SPATA1: variants seen among roughly 807,000 people sequenced by gnomAD.
The protein encoded by SPATA1 is spermatogenesis-associated protein 1.
SPATA1 carries 57 observed loss-of-function variants against 59.6 expected under a neutral mutation model. The ratio of observed to expected loss-of-function variants is 0.96; its 90% CI spans 0.77 to 1.19. The LOEUF is 1.19. SPATA1 is among the 50% of genes most tolerant of loss of function. The pLI is 0.00. For missense variants in SPATA1, 448 were observed against 480.7 expected (o/e 0.93, Z 0.64); for synonymous variants, 147 against 163.9 (o/e 0.90, Z 0.79).
chr1:84,563,360 G>A (rs759361175), intron 4 of SPATA1: 4 of 1,595,018 alleles, frequency 2.5e-6, no homozygotes, highest in East Asian at 4.6e-5. Flanking sequence ...CTGACGTCCT[G>A]CAGCGTCACT....
At chr1:84,521,511 T>C (rs1683026110) in intron 3 of SPATA1, among the ~76,000 whole-genome samples, 1 of 152,156 alleles carries the variant, frequency 6.6e-6, no homozygotes, top group Non-Finnish European at 1.5e-5. Flanking sequence ...AGAATGAGTT[T>C]TCTGCCCTAA....
At chr1:84,507,949 G>C (rs939592106) in intron 1 of SPATA1, among the ~76,000 whole-genome samples, 2 of 151,978 alleles carry the variant, frequency 1.3e-5, no homozygotes, top group African/African-American at 2.4e-5. Flanking sequence ...TTTTTTTGTA[G>C]CGTGTGTTTA....
intron 9 of SPATA1, among the ~76,000 whole-genome samples, chr1:84,545,077 C>T (rs1297715133): frequency 6.6e-6 from 1 of 150,462 alleles, no homozygotes; most frequent in Non-Finnish European, 1.5e-5. Context: ...AAAAATTAGG[C>T]GTGGTGGCAG....
At chr1:84,566,527 T>C (rs901576260), downstream of SPATA1, among the ~76,000 whole-genome samples, 4 of 152,286 alleles carry the variant, frequency 2.6e-5, no homozygotes, top group Middle Eastern at 3.4e-3. Flanking sequence ...GTTAAGACAA[T>C]AGTGGTGTCT....
chr1:84,527,851 T>A (rs888812069), intron 6 of SPATA1, among the ~76,000 whole-genome samples: 1 of 152,072 alleles, frequency 6.6e-6, no homozygotes, highest in Non-Finnish European at 1.5e-5. Context: ...TGCCTCAGCC[T>A]CCCTAAGTAC....
chr1:84,543,123 G>T (rs1456179955), intron 8 of SPATA1, among the ~76,000 whole-genome samples: 2 of 152,046 alleles, frequency 1.3e-5, no homozygotes, highest in Admixed American at 1.3e-4. Flanking sequence ...CTGTACCGTG[G>T]GTAACTGAAA....
intron 1 of SPATA1, among the ~76,000 whole-genome samples, chr1:84,515,982 T>C (rs1558571878): frequency 1.3e-5 from 2 of 152,192 alleles, no homozygotes; most frequent in Non-Finnish European, 2.9e-5. Flanking sequence ...ACCTTAATTT[T>C]TGACCAAGAA....
At chr1:84,521,808 G>C (rs543688823) in intron 3 of SPATA1, among the ~76,000 whole-genome samples, 9 of 152,120 alleles carry the variant, frequency 5.9e-5, no homozygotes, top group East Asian at 1.9e-4. Flanking sequence ...CTGACACATA[G>C]TAGATGCTCA....
intron 11 of SPATA1, 145 bp downstream of exon 11, chr1:84,549,109 A>G: frequency 4.0e-6 from 3 of 756,548 alleles, no homozygotes; most frequent in Middle Eastern, 3.6e-4. Flanking sequence ...ACCTTATGTA[A>G]TAGGAGGAGC....
At chr1:84,559,572 A>C (rs1684548607) in intron 4 of SPATA1, among the ~76,000 whole-genome samples, 1 of 151,942 alleles carries the variant, frequency 6.6e-6, no homozygotes, top group African/African-American at 2.4e-5. Context: ...CAGTGAACTG[A>C]GATTGTGCCA....
At chr1:84,520,822 A>T in intron 3 of SPATA1, 131 bp downstream of exon 3, 1 of 653,276 alleles carries the variant, frequency 1.5e-6, no homozygotes, top group Non-Finnish European at 2.6e-6. Context: ...CCATTTCCTG[A>T]CTTAATGAAT....
intron 10 of SPATA1, among the ~76,000 whole-genome samples, chr1:84,547,501 G>A (rs1298545446): frequency 6.6e-6 from 1 of 152,168 alleles, no homozygotes; most frequent in African/African-American, 2.4e-5. Context: ...CAATAAACAA[G>A]TAAGACAATA....
At chr1:84,524,540 G>A (rs1683143228) in intron 4 of SPATA1, among the ~76,000 whole-genome samples, 1 of 152,128 alleles carries the variant, frequency 6.6e-6, no homozygotes, top group Non-Finnish European at 1.5e-5. Context: ...TAAGGAACAA[G>A]CTGCCTCTCA....
At chr1:84,565,360 T>C (rs1226066354) in intron 4 of SPATA1, among the ~76,000 whole-genome samples, 1 of 152,220 alleles carries the variant, frequency 6.6e-6, no homozygotes, top group Non-Finnish European at 1.5e-5. Context: ...ATATAATTTT[T>C]AATTTATCAC....
chr1:84,522,517 C>CTT lies in SPATA1; in HGVS notation c.261+18_261+19dup. On this transcript the variant is annotated intron_variant, in intron 4 of 12. Transcript: ENST00000490879. Reference sequence around the variant, plus strand: ...AAATAATTTAGCTGTGGTAAGTTTTCTTTTTTTTTCTTTCTGATTGAGAAA... The same window carrying CTT: ...AAATAATTTAGCTGTGGTAAGTTTTCTTTTTTTTTTTCTTTCTGATTGAGAAA... 9.3e-6 allele frequency: 13 copies of CTT among 1,402,492 alleles called. No homozygotes were observed. Among genetic ancestry groups the CTT allele is most frequent in the South Asian group, 2.9e-5 (2 of 69,186 alleles). The allele number at this position is 1,402,492 out of a possible 1,614,324, so 86.9% of individuals were successfully genotyped here. A position where few individuals can be genotyped will look rare whatever the true frequency, so the allele number is the denominator to read the frequency against.
downstream of SPATA1, among the ~76,000 whole-genome samples, chr1:84,559,349 G>A (rs184184817): frequency 3.9e-5 from 6 of 152,284 alleles, no homozygotes; most frequent in Admixed American, 2.0e-4. Context: ...GGCTAGGCGC[G>A]GTAGCTCACG....
intron 8 of SPATA1, among the ~76,000 whole-genome samples, chr1:84,540,081 C>T (rs545225899): frequency 7.9e-5 from 12 of 152,102 alleles, no homozygotes; most frequent in Admixed American, 3.3e-4. Context: ...TCTCGACTCC[C>T]CTCCTTTTTA....
exon 13 of SPATA1, chr1:84,553,737 A>G (rs1355599953): frequency 6.6e-6 from 1 of 152,190 alleles, no homozygotes; most frequent in Admixed American, 6.5e-5. Flanking sequence ...TAATATTCTC[A>G]TAACAGATGG....
intron 12 of SPATA1, chr1:84,551,303 C>A: frequency 1.0e-6 from 1 of 974,932 alleles, no homozygotes; most frequent in Non-Finnish European, 1.2e-6. Context: ...CTAGAATTAG[C>A]TCTTTTTAAA....
Sources: gnomAD v4.1 joint callset for allele counts (sites outside exome capture counted in the v4.1 genomes callset) on GRCh38, gnomAD v4.1.1 for gene constraint, MANE v1.5 for transcripts, NCBI Gene and HGNC (gene_info 2026-07-23, HGNC 2026-07-21) for gene names.